The following TACC2 variants were observed in gnomAD, a reference collection of about 807,000 sequenced individuals.
TACC2 encodes the protein transforming acidic coiled-coil-containing protein 2.
In TACC2, 137 loss-of-function variants were observed where a neutral mutation model predicts 227.3. The observed-to-expected ratio is 0.60, with a 90% CI of 0.52 to 0.69. TACC2 has a LOEUF of 0.69. Among genes scored for constraint, TACC2 ranks in the 30% least tolerant of loss-of-function variants. The pLI is 0.00. For synonymous variants in TACC2, 1,523 were observed against 1,487.5 expected (o/e 1.02, Z -0.55); for missense variants, 3,470 against 3,694.4 (o/e 0.94, Z 1.57).
chr10:122,086,525 CAG>C lies in TACC2; in HGVS notation c.4026_4027del (p.Glu1344ArgfsTer21). 2 of 1,611,972 alleles carry C rather than the reference CAG, an allele frequency of 1.2e-6. No homozygotes were observed. Among genetic ancestry groups the C allele is most frequent in the Non-Finnish European group, 8.5e-7 (1 of 1,179,026 alleles). ...CTTCTGGCCAAGGGCAAGCAGGCAA[CAG>C]GGGAAGAGAAAGCAGCAACAGCTCC... On this transcript the variant is annotated frameshift_variant, in exon 4 of 23. Coordinates refer to ENST00000369005, the MANE Select transcript of TACC2 (RefSeq NM_206862.4). LOFTEE classifies it high-confidence loss of function.
intron 7 of TACC2, among the ~76,000 whole-genome samples, chr10:122,157,913 C>A (rs565665496): frequency 6.6e-6 from 1 of 151,348 alleles, no homozygotes; most frequent in South Asian, 2.1e-4. Flanking sequence ...TCTTTTCGAA[C>A]GTGGTATGTG....
chr10:122,174,647 C>G (rs1478741353), intron 7 of TACC2, among the ~76,000 whole-genome samples: 1 of 152,104 alleles, frequency 6.6e-6, no homozygotes, highest in Non-Finnish European at 1.5e-5. Flanking sequence ...ATGGCTAAAT[C>G]AAGCTAATTA....
At chr10:122,236,338 G>T (rs1395025019) in intron 16 of TACC2, among the ~76,000 whole-genome samples, 2 of 152,098 alleles carry the variant, frequency 1.3e-5, no homozygotes, top group African/African-American at 2.4e-5. Context: ...TTTCCCAAGG[G>T]AAGAAGCAGC....
intron 3 of TACC2, among the ~76,000 whole-genome samples, chr10:122,073,666 C>A (rs1351503137): frequency 4.6e-5 from 7 of 152,198 alleles, no homozygotes; most frequent in Admixed American, 4.6e-4. Flanking sequence ...CTTGTTGACT[C>A]ACGAGGCACA....
At chr10:122,000,451 G>A (rs1652301082) in intron 1 of TACC2, among the ~76,000 whole-genome samples, 3 of 152,104 alleles carry the variant, frequency 2.0e-5, no homozygotes, top group South Asian at 2.1e-4. Context: ...CAGATTGCTC[G>A]ATGCCTGCTT....
At chr10:122,097,794 A>C (rs1171978864) in intron 5 of TACC2, among the ~76,000 whole-genome samples, 1 of 152,136 alleles carries the variant, frequency 6.6e-6, no homozygotes, top group Non-Finnish European at 1.5e-5. Context: ...GAGACACGGC[A>C]CACCCGACAC....
chr10:121,998,503 T>A (rs887225201), intron 1 of TACC2, among the ~76,000 whole-genome samples: 1 of 152,094 alleles, frequency 6.6e-6, no homozygotes, highest in Non-Finnish European at 1.5e-5. Flanking sequence ...TTCTATCTTG[T>A]GATATGTCAT....
Position 122,150,963 on chromosome 10 carries a change from A to G in TACC2, c.5834+7257A>G, listed in dbSNP as rs2091978935. Among the ~76,000 whole-genome samples, 1 of 152,194 alleles carries G rather than the reference A, an allele frequency of 6.6e-6. No homozygotes were observed. Among genetic ancestry groups the G allele is most frequent in the Non-Finnish European group, 1.5e-5 (1 of 68,030 alleles). ...CAGGCCTATTTACCAGCTGTGTGAC[A>G]TGGCATGAGTTACTTGACTACTCTG... On this transcript the variant is annotated intron_variant, in intron 7 of 22. Transcript: ENST00000369005. The surrounding 1 kb of genome is among the most constrained non-coding windows in gnomAD (Gnocchi z 4.0).
At chr10:122,025,496 C>T (rs559878186) in intron 2 of TACC2, among the ~76,000 whole-genome samples, 7 of 152,004 alleles carry the variant, frequency 4.6e-5, no homozygotes, top group African/African-American at 1.7e-4. Flanking sequence ...CTCCTGACCT[C>T]GTGATCCGCC....
At chr10:122,115,406 T>G (rs1387684276) in intron 5 of TACC2, among the ~76,000 whole-genome samples, 1 of 152,072 alleles carries the variant, frequency 6.6e-6, no homozygotes, top group African/African-American at 2.4e-5. Flanking sequence ...TGGGAGGATA[T>G]TTTTGGTTGT....
intron 7 of TACC2, among the ~76,000 whole-genome samples, chr10:122,190,758 G>T (rs950140847): frequency 1.3e-5 from 2 of 152,106 alleles, no homozygotes; most frequent in East Asian, 1.9e-4. Context: ...GATGTGCAGC[G>T]GGGGGAGAAA....
chr10:122,245,021 T>C (rs1279610112), intron 19 of TACC2: 1 of 152,270 alleles, frequency 6.6e-6, no homozygotes, highest in Non-Finnish European at 1.5e-5. Context: ...CTGTTTTGCT[T>C]CCATTTTCTG....
chr10:122,104,464 G>A (rs969043674), intron 5 of TACC2, among the ~76,000 whole-genome samples: 2 of 152,054 alleles, frequency 1.3e-5, no homozygotes, highest in South Asian at 2.1e-4. Flanking sequence ...CGCCTCCCAG[G>A]TTCAAGTGAT....
intron 11 of TACC2, among the ~76,000 whole-genome samples, chr10:122,223,197 G>T (rs2095557069): frequency 6.6e-6 from 1 of 151,852 alleles, no homozygotes; most frequent in African/African-American, 2.4e-5. Context: ...GGAACTACAG[G>T]TATGTGCCCG....
chr10:122,195,322 G>C, intron 8 of TACC2, 146 bp downstream of exon 8: 2 of 681,714 alleles, frequency 2.9e-6, no homozygotes, highest in South Asian at 5.0e-5. Flanking sequence ...GGCTTTTGTA[G>C]TTTTCTTGAA....
At chr10:122,004,796 C>T (rs1954857056) in intron 1 of TACC2, among the ~76,000 whole-genome samples, 2 of 152,196 alleles carry the variant, frequency 1.3e-5, no homozygotes, top group South Asian at 4.1e-4. Context: ...GCAATCCCCC[C>T]TCTTGATAAA....
intron 7 of TACC2, among the ~76,000 whole-genome samples, chr10:122,154,380 G>A (rs2092322782): frequency 6.6e-6 from 1 of 152,242 alleles, no homozygotes; most frequent in Admixed American, 6.5e-5. Flanking sequence ...CTTATGCAAA[G>A]TAGCAATCCT....
At chr10:122,170,263 CTTT>C (rs34194262) in intron 7 of TACC2, among the ~76,000 whole-genome samples, 1 of 63,196 alleles carries the variant, frequency 1.6e-5, no homozygotes, top group Admixed American at 2.4e-4. Flanking sequence ...ATGATCAAGT[CTTT>C]TTTTTTTTTT....
At chr10:122,021,775 A>G (rs1024084748) in intron 1 of TACC2, among the ~76,000 whole-genome samples, 162 bp from the exon 2 acceptor site, 3 of 152,252 alleles carry the variant, frequency 2.0e-5, no homozygotes, top group Non-Finnish European at 4.4e-5. Flanking sequence ...CCTGGGTGGC[A>G]GATCACGAAA....
Sources: gnomAD v4.1 joint callset for allele counts (sites outside exome capture counted in the v4.1 genomes callset) on GRCh38, gnomAD v4.1.1 for gene constraint, Gnocchi (gnomAD v3.1) non-coding constraint, MANE v1.5 for transcripts, NCBI Gene and HGNC (gene_info 2026-07-23, HGNC 2026-07-21) for gene names.